Variants in CACNG4 observed in about 807,000 individuals in gnomAD.
CACNG4 encodes the protein calcium voltage-gated channel auxiliary subunit gamma 4.
CACNG4 carries 8 observed loss-of-function variants against 22.9 expected under a neutral mutation model. That is an observed-to-expected ratio of 0.35 (90% CI 0.21 to 0.63). The LOEUF (loss-of-function observed/expected upper bound fraction) is 0.63, where lower values mean the gene tolerates loss of function less well. Among genes scored for constraint, CACNG4 ranks in the 30% least tolerant of loss-of-function variants. CACNG4 has a pLI of 0.72. For synonymous variants in CACNG4, 188 were observed against 191.9 expected, an observed-to-expected ratio of 0.98 and a Z score of 0.17; for missense variants, 357 against 455.4, an observed-to-expected ratio of 0.78 and a Z score of 1.97.
Position 67,030,792 on chromosome 17 carries a change from G to T in CACNG4, c.772G>T (p.Val258Leu), listed in dbSNP as rs376262241. ...CACCGAGGCCTCGCCCTCCAGGGAC[G>T]TGTCGCCCATGGGCCTGAAGATCAC... ...RSTEASPSRD[V>L]SPMGLKITGA... Residue 258 changes from valine to leucine, a missense_variant, in exon 4 of 4, where the codon GTG becomes TTG. By Grantham distance (32) the Val-to-Leu change is conservative. This residue lies in a region of CACNG4 where 240 missense variants were observed against 277.6 expected (regional missense o/e 0.86). Coordinates refer to ENST00000262138, the MANE Select transcript of CACNG4 (RefSeq NM_014405.4). The surrounding 1 kb of genome is among the most constrained non-coding windows in gnomAD (Gnocchi z 6.4). The T allele has an allele frequency of 1.1e-5, 17 of 1,614,144 alleles. No homozygotes were observed. In the South Asian group the frequency reaches 1.8e-4, roughly 17 times the overall value.
chr17:66,994,396 C>T (rs1011148953), intron 1 of CACNG4, among the ~76,000 whole-genome samples: 1 of 152,120 alleles, frequency 6.6e-6, no homozygotes, highest in Non-Finnish European at 1.5e-5. Flanking sequence ...CTCAGCACAC[C>T]GTGTGTGTCA....
rs1025753299 is a variant in CACNG4 at position 66,984,412 on chromosome 17, A to G, written c.220+19281A>G. Among the ~76,000 whole-genome samples, 3 of 152,130 alleles carry G rather than the reference A, an allele frequency of 2.0e-5. No individual in the cohort carries two copies. Among genetic ancestry groups the G allele is most frequent in the African/African-American group, 7.2e-5 (3 of 41,426 alleles). ...AAACAAATATAGGTCTGGGATGACA[A>G]AGACTCACAGATGGCCTGCCACCAG... On this transcript the variant is annotated intron_variant, in intron 1 of 3. Coordinates refer to ENST00000262138, the MANE Select transcript of CACNG4 (RefSeq NM_014405.4). The surrounding 1 kb of genome is among the most constrained non-coding windows in gnomAD (Gnocchi z 4.0).
chr17:67,001,334 C>T (rs1329221501), intron 1 of CACNG4, among the ~76,000 whole-genome samples: 1 of 151,936 alleles, frequency 6.6e-6, no homozygotes, highest in Non-Finnish European at 1.5e-5. Flanking sequence ...ACATGGCTCC[C>T]TCCAGCTCCC....
intron 1 of CACNG4, among the ~76,000 whole-genome samples, chr17:67,008,117 CACAGCAGGTGCTCAATA>C (rs1207710717): frequency 6.6e-6 from 1 of 152,228 alleles, no homozygotes; most frequent in East Asian, 1.9e-4. Context: ...GCACCTCACA[CACAGCAGGTGCTCAATA>C]AATGTAAGTT....
At chr17:67,025,728 G>C (rs897503912) in intron 3 of CACNG4, among the ~76,000 whole-genome samples, 1 of 152,264 alleles carries the variant, frequency 6.6e-6, no homozygotes, top group African/African-American at 2.4e-5. Flanking sequence ...CAGGCCTGGC[G>C]TGGTGCCGCA....
intron 2 of CACNG4, among the ~76,000 whole-genome samples, chr17:67,023,376 C>T (rs1405092128): frequency 6.9e-6 from 1 of 144,498 alleles, no homozygotes; most frequent in Admixed American, 7.0e-5. Flanking sequence ...CCCGGGTTCA[C>T]GCCATTCTCC....
At chr17:67,022,098 C>T (rs1034311061) in intron 2 of CACNG4, among the ~76,000 whole-genome samples, 4 of 134,544 alleles carry the variant, frequency 3.0e-5, no homozygotes, top group Non-Finnish European at 6.4e-5. Context: ...TTTTTTAAGA[C>T]GGAGTCTCGC....
intron 2 of CACNG4, among the ~76,000 whole-genome samples, chr17:67,018,625 C>T (rs1367803322): frequency 6.6e-6 from 1 of 152,110 alleles, no homozygotes; most frequent in East Asian, 1.9e-4. Flanking sequence ...AAGATATAGG[C>T]TCTGCCCAGG....
chr17:66,970,457 C>T (rs1382825943), intron 1 of CACNG4, among the ~76,000 whole-genome samples: 8 of 152,152 alleles, frequency 5.3e-5, no homozygotes, highest in African/African-American at 1.9e-4. Context: ...TCCTGGCTTG[C>T]AGATGGCCGG....
In CACNG4 at chr17:67,030,869, C is replaced by T. The variant is rs1457530696; in HGVS notation, c.849C>T (p.Pro283=). ...ELSMYTLSRE[P]LKVTTAASYS... ...CCATGTACACGCTGTCCAGGGAGCC[C>T]CTCAAGGTGACCACCGCAGCCAGCT... is the stretch of plus-strand genomic sequence containing the variant. Residue 283 remains proline (P), a synonymous_variant, in exon 4 of 4, where the codon CCC becomes CCT. Coordinates refer to ENST00000262138, the MANE Select transcript of CACNG4 (RefSeq NM_014405.4). This position sits in a 1 kb window ranked among gnomAD's most constrained non-coding sequence, Gnocchi z 6.4. 30 of 1,612,990 alleles carry T rather than the reference C, an allele frequency of 1.9e-5. No homozygotes were observed. The highest frequency in any genetic ancestry group is 3.3e-4 in the Middle Eastern group (2 of 6,062).
At chr17:67,022,956 T>A (rs1007498076) in intron 2 of CACNG4, among the ~76,000 whole-genome samples, 1 of 152,202 alleles carries the variant, frequency 6.6e-6, no homozygotes, top group Non-Finnish European at 1.5e-5. Context: ...TGATCAAAAC[T>A]GCGTGACCTG....
rs1422763579 is a variant in CACNG4 at position 67,030,821 on chromosome 17, G to C, written c.801G>C (p.Gly267=). The C allele has an allele frequency of 6.2e-7, 1 of 1,614,034 alleles. No homozygotes were observed. Among genetic ancestry groups the C allele is most frequent in the South Asian group, 1.1e-5 (1 of 91,080 alleles). Residue 267 remains glycine, a synonymous_variant, in exon 4 of 4, where the codon GGG becomes GGC. Transcript: ENST00000262138. The surrounding 1 kb of genome is among the most constrained non-coding windows in gnomAD (Gnocchi z 6.4). ...DVSPMGLKIT[G]AIPMGELSMY... ...CGCCCATGGGCCTGAAGATCACAGG[G>C]GCCATCCCCATGGGGGAGCTGTCCA...
intron 1 of CACNG4, among the ~76,000 whole-genome samples, chr17:67,000,763 G>A (rs770440288): frequency 1.6e-4 from 24 of 152,286 alleles, no homozygotes; most frequent in East Asian, 3.9e-4. Context: ...GATGGACAGC[G>A]ATGGGGGCAC....
At chr17:66,990,449 T>G (rs80072783) in intron 1 of CACNG4, among the ~76,000 whole-genome samples, 6,113 of 152,248 alleles carry the variant, frequency 0.04, 216 homozygotes, top group East Asian at 0.13. Flanking sequence ...GGGAGGATGT[T>G]ATACAGGGGC....
In CACNG4 at chr17:66,985,553, G is replaced by C. The variant is rs528112887; in HGVS notation, c.220+20422G>C. 7.3e-4 allele frequency among the ~76,000 whole-genome samples: 111 copies of C among 152,286 alleles called. No homozygotes were observed. The South Asian group carries it at 0.021, about 29-fold the overall frequency. On this transcript the variant is annotated intron_variant, in intron 1 of 3. Transcript: ENST00000262138. ...AGTCCCGGGGGGCTTCCCAGAGGAGGCAACATTACTCTTGTCTTGCAGAAT... is the reference window on the plus strand; with the variant it reads ...AGTCCCGGGGGGCTTCCCAGAGGAGCCAACATTACTCTTGTCTTGCAGAAT...
intron 1 of CACNG4, among the ~76,000 whole-genome samples, chr17:66,976,159 G>A (rs1242867890): frequency 1.3e-5 from 2 of 152,158 alleles, no homozygotes; most frequent in African/African-American, 4.8e-5. Context: ...GGAGGACAAG[G>A]CACCGGAGTG....
rs539513033 is a variant in CACNG4 at position 66,964,771 on chromosome 17, G to C, written c.-141G>C. 4 of 222,160 alleles carry C rather than the reference G, an allele frequency of 1.8e-5. No homozygotes were observed. Among genetic ancestry groups the C allele is most frequent in the South Asian group, 1.6e-4 (1 of 6,318 alleles). The allele number at this position is 222,160 out of a possible 1,614,324, so 13.8% of individuals were successfully genotyped here. A position where few individuals can be genotyped will look rare whatever the true frequency, so the allele number is the denominator to read the frequency against. ...CGGAGCGCAGGCACGCCCGGGGCGC[G>C]GGGTCGGAGCGCGCAGCGCGGCGCC... On this transcript the variant is annotated 5_prime_UTR_variant, in exon 1 of 4. Coordinates refer to ENST00000262138, the MANE Select transcript of CACNG4 (RefSeq NM_014405.4).
At chr17:67,020,536 C>G in intron 2 of CACNG4, among the ~76,000 whole-genome samples, 1 of 152,186 alleles carries the variant, frequency 6.6e-6, no homozygotes, top group Non-Finnish European at 1.5e-5. Context: ...TGGCAGAAGT[C>G]AGGGCGGGGT....
intron 1 of CACNG4, among the ~76,000 whole-genome samples, chr17:66,966,176 G>A (rs1414104089): frequency 1.3e-5 from 2 of 152,184 alleles, no homozygotes; most frequent in Non-Finnish European, 2.9e-5. Context: ...CGGCTTCGGC[G>A]CCTTCCGGGC....
Sources: allele counts gnomAD v4.1 joint callset (sites outside exome capture counted in the v4.1 genomes callset), GRCh38; gene constraint gnomAD v4.1.1; regional missense constraint gnomAD v4.1.1; non-coding constraint Gnocchi (gnomAD v3.1); transcripts MANE v1.5; gene names NCBI Gene and HGNC (gene_info 2026-07-23, HGNC 2026-07-21).